MARCHF3: variants seen among roughly 807,000 people sequenced by gnomAD.
The protein encoded by MARCHF3 is E3 ubiquitin-protein ligase MARCHF3.
In MARCHF3, 13 loss-of-function variants were observed where a neutral mutation model predicts 24.2. The ratio of observed to expected loss-of-function variants is 0.54; its 90% CI spans 0.35 to 0.85. MARCHF3 has a LOEUF of 0.85. Among genes scored for constraint, MARCHF3 ranks in the 40% least tolerant of loss-of-function variants. The probability of loss-of-function intolerance (pLI) is 0.01; values close to 1 mark genes in which losing one functional copy is unlikely to be tolerated. For missense variants in MARCHF3, 276 were observed against 325.0 expected (o/e 0.85, Z 1.16); for synonymous variants, 144 against 137.3 (o/e 1.05, Z -0.34).
chr5:126,880,333 A>G (rs1753304009), intron 3 of MARCHF3, among the ~76,000 whole-genome samples: 1 of 152,190 alleles, frequency 6.6e-6, no homozygotes, highest in African/African-American at 2.4e-5. Context: ...GTGGACACAA[A>G]TAAATATTAA....
intron 1 of MARCHF3, among the ~76,000 whole-genome samples, chr5:127,005,287 C>A (rs1360724219): frequency 1.3e-5 from 2 of 151,978 alleles, no homozygotes; most frequent in Non-Finnish European, 2.9e-5. Flanking sequence ...AGGCACCCAC[C>A]ACCACGCCTA....
chr5:126,969,484 CTG>C (rs1234779150), intron 1 of MARCHF3, among the ~76,000 whole-genome samples: 1 of 152,170 alleles, frequency 6.6e-6, no homozygotes, highest in Non-Finnish European at 1.5e-5. Context: ...AAAACACAGA[CTG>C]TTATTTTAAG....
chr5:126,878,489 G>T, intron 3 of MARCHF3, 95 bp from the exon 4 acceptor site: 1 of 1,265,430 alleles, frequency 7.9e-7, no homozygotes, highest in South Asian at 1.4e-5. Context: ...TTTGCCTTCA[G>T]AACCTTGGGA....
At chr5:126,935,722 T>C (rs1749625240) in intron 1 of MARCHF3, among the ~76,000 whole-genome samples, 2 of 144,964 alleles carry the variant, frequency 1.4e-5, no homozygotes, top group African/African-American at 5.1e-5. Flanking sequence ...GCGATTCTCC[T>C]GCCTCAGTCT....
At chr5:126,958,662 G>A (rs181380822) in intron 1 of MARCHF3, among the ~76,000 whole-genome samples, 187 of 152,222 alleles carry the variant, frequency 1.2e-3, no homozygotes, top group Non-Finnish European at 2.1e-3. Context: ...TATTCTTCTA[G>A]TTAATAATCA....
At chr5:126,997,394 T>C (rs1436009617) in intron 1 of MARCHF3, among the ~76,000 whole-genome samples, 2 of 151,986 alleles carry the variant, frequency 1.3e-5, no homozygotes, top group African/African-American at 4.8e-5. Flanking sequence ...AGCAACAGAA[T>C]GAGAAGACAA....
chr5:126,910,005 C>CT (rs1029516780), intron 3 of MARCHF3, among the ~76,000 whole-genome samples: 1 of 152,190 alleles, frequency 6.6e-6, no homozygotes, highest in Non-Finnish European at 1.5e-5. Flanking sequence ...CAGGGAACAG[C>CT]TTTTAAATTG....
At chr5:126,947,887 T>TG (rs1398526509) in intron 1 of MARCHF3, among the ~76,000 whole-genome samples, 3 of 144,018 alleles carry the variant, frequency 2.1e-5, no homozygotes, top group African/African-American at 7.7e-5. Context: ...TTGGGAGGGG[T>TG]GGGGGGGCAG....
intron 1 of MARCHF3, among the ~76,000 whole-genome samples, chr5:126,951,282 A>G (rs1208674541): frequency 6.6e-6 from 1 of 152,166 alleles, no homozygotes; most frequent in Admixed American, 6.5e-5. Flanking sequence ...ATCTTATGCT[A>G]CAGGGCCCCA....
rs1554118635 is a variant in MARCHF3 at position 126,869,581 on chromosome 5, G to GTTTTTTT, written c.*1051_*1052insAAAAAAA. The GTTTTTTT allele has an allele frequency of 9.6e-5, 2 of 20,912 alleles. No individual in the cohort carries two copies. The highest frequency in any genetic ancestry group is 2.8e-4 in the African/African-American group (2 of 7,080). The allele number at this position is 20,912 out of a possible 1,614,324, so 1.3% of individuals were successfully genotyped here. ...AATAAGTGCAGGGCTGCTAGGACAG[G>GTTTTTTT]CTTTTTTTTTTTTTTTTTTTTTTGC... On this transcript the variant is annotated 3_prime_UTR_variant, in exon 5 of 5. Transcript: ENST00000308660.
intron 1 of MARCHF3, among the ~76,000 whole-genome samples, chr5:126,927,033 T>G (rs974848315): frequency 1.2e-4 from 18 of 152,134 alleles, no homozygotes; most frequent in Admixed American, 9.8e-4. Flanking sequence ...TTTGATAGTC[T>G]TGTATAAACA....
At chr5:126,886,568 C>G (rs1251498864) in intron 3 of MARCHF3, among the ~76,000 whole-genome samples, 1 of 152,178 alleles carries the variant, frequency 6.6e-6, no homozygotes, top group Non-Finnish European at 1.5e-5. Flanking sequence ...CTCTTACTGT[C>G]AGAGCAATGC....
chr5:126,895,356 A>G (rs181551209), intron 3 of MARCHF3, among the ~76,000 whole-genome samples: 2 of 152,100 alleles, frequency 1.3e-5, no homozygotes, highest in African/African-American at 4.8e-5. Context: ...CTGGTGAGGA[A>G]CTGCGTTCCT....
chr5:126,977,935 C>A (rs1171860689), intron 1 of MARCHF3, among the ~76,000 whole-genome samples: 5 of 152,080 alleles, frequency 3.3e-5, no homozygotes, highest in Admixed American at 2.6e-4. Context: ...TCTCATAATT[C>A]AAGGCAGTAT....
chr5:126,922,269 C>T (rs530840905), intron 1 of MARCHF3, among the ~76,000 whole-genome samples: 3 of 152,326 alleles, frequency 2.0e-5, no homozygotes, highest in South Asian at 4.1e-4. Flanking sequence ...TGGCTTTCTA[C>T]TCACCAAGGT....
rs10653981 is a variant in MARCHF3 at position 126,869,582 on chromosome 5, C to CTTTTTTTTTTTT, written c.*1039_*1050dup. On this transcript the variant is annotated 3_prime_UTR_variant, in exon 5 of 5. Transcript: ENST00000308660. ...ATAAGTGCAGGGCTGCTAGGACAGG[C>CTTTTTTTTTTTT]TTTTTTTTTTTTTTTTTTTTTTGCC... The CTTTTTTTTTTTT allele has an allele frequency of 1.5e-3, 116 of 79,828 alleles. 22 individuals are homozygous for CTTTTTTTTTTTT. The highest frequency in any genetic ancestry group is 4.1e-3 in the East Asian group (9 of 2,206). The allele number at this position is 79,828 out of a possible 1,614,324, so 4.9% of individuals were successfully genotyped here. A position where few individuals can be genotyped will look rare whatever the true frequency, so the allele number is the denominator to read the frequency against.
chr5:126,887,679 C>G (rs755539775), intron 3 of MARCHF3, among the ~76,000 whole-genome samples: 9 of 152,194 alleles, frequency 5.9e-5, no homozygotes, highest in African/African-American at 1.9e-4. Context: ...TCACGCAATG[C>G]TCTCCTGCAG....
At chr5:126,884,369 G>C (rs1753440020) in intron 3 of MARCHF3, among the ~76,000 whole-genome samples, 1 of 152,202 alleles carries the variant, frequency 6.6e-6, no homozygotes, top group Admixed American at 6.5e-5. Flanking sequence ...GCATGCTTCA[G>C]ATATCCATCA....
chr5:126,904,765 G>A (rs1465199818), intron 3 of MARCHF3, among the ~76,000 whole-genome samples: 39 of 151,688 alleles, frequency 2.6e-4, no homozygotes, highest in African/African-American at 6.8e-4. Flanking sequence ...TCTGTAGGTT[G>A]CCTGTTCACT....
Sources: allele counts gnomAD v4.1 joint callset (sites outside exome capture counted in the v4.1 genomes callset), GRCh38; gene constraint gnomAD v4.1.1; transcripts MANE v1.5; gene names NCBI Gene and HGNC (gene_info 2026-07-23, HGNC 2026-07-21).